Variants in NDRG2 observed in about 807,000 individuals in gnomAD.
The protein encoded by NDRG2 is NDRG family member 2.
Under a neutral mutation model 58.2 loss-of-function variants are expected in NDRG2, and 34 were observed. That is an observed-to-expected ratio of 0.58 (90% CI 0.44 to 0.78). NDRG2 has a LOEUF of 0.78. Among genes scored for constraint, NDRG2 ranks in the 30% least tolerant of loss-of-function variants. The pLI, the probability that NDRG2 is intolerant of heterozygous loss-of-function variation, is 0.00. For missense variants in NDRG2, 434 were observed against 471.2 expected, an observed-to-expected ratio of 0.92 and a Z score of 0.73; for synonymous variants, 187 against 175.9, an observed-to-expected ratio of 1.06 and a Z score of -0.50.
chr14:21,041,779 C>T (rs763049495), intron 1 of NDRG2, among the ~76,000 whole-genome samples: 6 of 152,210 alleles, frequency 3.9e-5, no homozygotes, highest in Non-Finnish European at 7.3e-5. Context: ...TGGTTGGTAC[C>T]TGGAACTGGA....
rs771699527 is a variant in NDRG2, at chr14:21,019,168, G to A, written c.717-8C>T. ...AAGTTCAGGTCTCGGCGGCTAGAAA[G>A]GGGTTAAAAGAGTAGGAATTTTAGG... On this transcript the variant is annotated splice_region_variant and splice_polypyrimidine_tract_variant and intron_variant, in intron 10 of 15. Transcript: ENST00000556147. 2 of 1,609,258 alleles carry A rather than the reference G, an allele frequency of 1.2e-6. No homozygotes were observed. The highest frequency in any genetic ancestry group is 2.2e-5 in the East Asian group (1 of 44,820).
intron 1 of NDRG2, chr14:21,034,331 G>T (rs760144550): frequency 3.5e-6 from 5 of 1,434,590 alleles, no homozygotes; most frequent in Admixed American, 3.7e-5. Context: ...GCAGCAGTGG[G>T]CCTGAAGTGG....
At chr14:21,019,781 G>A (rs778336797) in intron 9 of NDRG2, 39 bp from the exon 10 acceptor site, 7 of 1,540,868 alleles carry the variant, frequency 4.5e-6, no homozygotes, top group Non-Finnish European at 6.3e-6. Flanking sequence ...GGGATGGAAA[G>A]AGAAAACAAC....
intron 1 of NDRG2, among the ~76,000 whole-genome samples, chr14:21,059,692 G>T (rs1255773603): frequency 2.6e-5 from 4 of 152,080 alleles, no homozygotes; most frequent in Admixed American, 6.5e-5. Flanking sequence ...TAGAGACAGG[G>T]TTTCACCATG....
chr14:21,050,184 G>A (rs188593523), intron 1 of NDRG2, among the ~76,000 whole-genome samples: 9 of 152,266 alleles, frequency 5.9e-5, no homozygotes, highest in Non-Finnish European at 8.8e-5. Context: ...TTAAGTGCCC[G>A]TAATCCTGAC....
At chr14:21,030,639 A>T (rs1594473905), upstream of NDRG2, 1 of 1,614,104 alleles carries the variant, frequency 6.2e-7, no homozygotes, top group East Asian at 2.2e-5. Context: ...AGAATCATCA[A>T]GCAGTGGCAC....
At chr14:21,030,599 A>C, upstream of NDRG2, 1 of 1,613,876 alleles carries the variant, frequency 6.2e-7, no homozygotes, top group Non-Finnish European at 8.5e-7. Flanking sequence ...CAGAGGCAGA[A>C]AAAACATTCC....
At position 21,024,764 on chromosome 14, in the gene NDRG2, C is replaced by T. The variant is rs777956486; in HGVS notation, c.-741G>A. On this transcript the variant is annotated 5_prime_UTR_variant, in exon 1 of 16. Coordinates refer to ENST00000556147, the MANE Select transcript of NDRG2 (RefSeq NM_001320329.2). Reference sequence around the variant, plus strand: ...ACCCGGAACCCGTCCCTACGAGTCCCTACGCAGCCCGTCCGCGTGGAGACT... The same window carrying T: ...ACCCGGAACCCGTCCCTACGAGTCCTTACGCAGCCCGTCCGCGTGGAGACT... 6.1e-6 allele frequency: 6 copies of T among 985,458 alleles called. No homozygotes were observed. Among genetic ancestry groups the T allele is most frequent in the Admixed American group, 1.2e-4 (2 of 16,276 alleles). The allele number at this position is 985,458 out of a possible 1,614,324, so 61.0% of individuals were successfully genotyped here. A position where few individuals can be genotyped will look rare whatever the true frequency, so the allele number is the denominator to read the frequency against.
intron 4 of NDRG2, 55 bp downstream of exon 4, chr14:21,022,337 C>A: frequency 1.9e-6 from 3 of 1,582,574 alleles, no homozygotes; most frequent in Non-Finnish European, 2.6e-6. Flanking sequence ...TCATTTCTAC[C>A]CTTCCCCCAC....
Position 21,022,197 on chromosome 14 carries a change from C to G in NDRG2, c.224-15G>C. The G allele has an allele frequency of 6.2e-7, 1 of 1,614,216 alleles. No individual in the cohort carries two copies. Among genetic ancestry groups the G allele is most frequent in the East Asian group, 2.2e-5 (1 of 44,888 alleles). On this transcript the variant is annotated splice_polypyrimidine_tract_variant and intron_variant, in intron 4 of 15. Transcript: ENST00000556147. ...GCAAGATTTATCTAAAGAGAACCCACATCACCTCAACAATAGAATCAGACA... is the reference window on the plus strand; with the variant it reads ...GCAAGATTTATCTAAAGAGAACCCAGATCACCTCAACAATAGAATCAGACA...
chr14:21,043,275 A>G, intron 1 of NDRG2: 1 of 1,614,234 alleles, frequency 6.2e-7, no homozygotes. Context: ...GAATGGCGAT[A>G]AAAACTGCCA....
upstream of NDRG2, among the ~76,000 whole-genome samples, chr14:21,030,003 T>C (rs74905393): frequency 0.015 from 2,236 of 152,298 alleles, 31 homozygotes; most frequent in Middle Eastern, 0.041. Context: ...GCAATTTGAC[T>C]AGGACCCAGA....
At chr14:21,043,374 A>G (rs778426956) in intron 1 of NDRG2, 2 of 1,614,176 alleles carry the variant, frequency 1.2e-6, no homozygotes, top group South Asian at 2.2e-5. Context: ...GCGACAGAAC[A>G]AGTCTTACGT....
intron 1 of NDRG2, among the ~76,000 whole-genome samples, chr14:21,051,809 G>A (rs1474021068): frequency 1.3e-5 from 2 of 152,188 alleles, no homozygotes; most frequent in African/African-American, 4.8e-5. Context: ...GAAGGTTGAA[G>A]CTTGAAAAAC....
At chr14:21,056,369 G>A (rs528062797) in intron 1 of NDRG2, among the ~76,000 whole-genome samples, 1 of 152,094 alleles carries the variant, frequency 6.6e-6, no homozygotes, top group Non-Finnish European at 1.5e-5. Context: ...CAATGAAACT[G>A]AGTAATGCCA....
At chr14:21,020,986 G>A (rs756475188) in intron 6 of NDRG2, 142 bp from the exon 7 acceptor site, 28 of 925,358 alleles carry the variant, frequency 3.0e-5, no homozygotes, top group Admixed American at 9.9e-5. Context: ...TGGAGGACGC[G>A]AAAAAGAAGG....
At chr14:21,047,642 TG>T (rs2139127213) in intron 1 of NDRG2, among the ~76,000 whole-genome samples, 1 of 152,324 alleles carries the variant, frequency 6.6e-6, no homozygotes, top group Non-Finnish European at 1.5e-5. Context: ...TTTCTAGGGC[TG>T]GGAGCTTGGA....
chr14:21,031,726 G>A (rs983185615), intron 1 of NDRG2, among the ~76,000 whole-genome samples: 1 of 152,042 alleles, frequency 6.6e-6, no homozygotes, highest in African/African-American at 2.4e-5. Context: ...GCTCTTACCA[G>A]AGTACCTGCC....
intron 1 of NDRG2, among the ~76,000 whole-genome samples, chr14:21,065,776 T>G (rs561681883): frequency 5.9e-5 from 9 of 152,312 alleles, no homozygotes; most frequent in African/African-American, 2.2e-4. Context: ...ATTAAGCATC[T>G]TTAGGAATAA....
Sources: gnomAD v4.1 joint callset for allele counts (sites outside exome capture counted in the v4.1 genomes callset) on GRCh38, gnomAD v4.1.1 for gene constraint, MANE v1.5 for transcripts, NCBI Gene and HGNC (gene_info 2026-07-23, HGNC 2026-07-21) for gene names.